Variants in ABCC4 observed in about 807,000 individuals in gnomAD.
The protein encoded by ABCC4 is ATP binding cassette subfamily C member 4 (PEL blood group).
In ABCC4, 102 loss-of-function variants were observed where a neutral mutation model predicts 168.5. The ratio of observed to expected loss-of-function variants is 0.61; its 90% CI spans 0.52 to 0.71. The LOEUF is 0.71. Ranked by LOEUF, ABCC4 falls within the 30% of genes least tolerant of loss-of-function variation. The probability of loss-of-function intolerance (pLI) is 0.00; values close to 1 mark genes in which losing one functional copy is unlikely to be tolerated. For missense variants in ABCC4, 1,402 were observed against 1,605.8 expected, an observed-to-expected ratio of 0.87 and a Z score of 2.17; for synonymous variants, 617 against 590.7, an observed-to-expected ratio of 1.04 and a Z score of -0.65.
intron 13 of ABCC4, among the ~76,000 whole-genome samples, chr13:95,172,452 T>G (rs1424220798): frequency 1.3e-5 from 2 of 151,426 alleles, no homozygotes; most frequent in African/African-American, 4.9e-5. Flanking sequence ...ATGCCTGTAA[T>G]CCCAGCTACT....
At chr13:95,127,825 A>T (rs1482827466) in intron 19 of ABCC4, among the ~76,000 whole-genome samples, 1 of 152,138 alleles carries the variant, frequency 6.6e-6, no homozygotes, top group East Asian at 1.9e-4. Flanking sequence ...CCTCTTCTCC[A>T]TGTATGGGAA....
At chr13:95,195,777 G>GT (rs2038397349) in intron 8 of ABCC4, among the ~76,000 whole-genome samples, 1 of 152,150 alleles carries the variant, frequency 6.6e-6, no homozygotes, top group East Asian at 1.9e-4. Flanking sequence ...GGGATTACAG[G>GT]TGTCTGCCAC....
intron 9 of ABCC4, among the ~76,000 whole-genome samples, chr13:95,191,939 G>C (rs2038265500): frequency 6.6e-6 from 1 of 152,232 alleles, no homozygotes; most frequent in Non-Finnish European, 1.5e-5. Context: ...GCCAGAAGGG[G>C]GCAGCACTCG....
chr13:95,264,687 G>A (rs527263368), intron 1 of ABCC4, among the ~76,000 whole-genome samples: 4 of 152,168 alleles, frequency 2.6e-5, no homozygotes, highest in South Asian at 2.1e-4. Flanking sequence ...AAATATGAGC[G>A]CTAAATACAT....
At chr13:95,089,199 T>C (rs1029882197) in intron 20 of ABCC4, among the ~76,000 whole-genome samples, 6 of 152,184 alleles carry the variant, frequency 3.9e-5, no homozygotes, top group Non-Finnish European at 8.8e-5. Context: ...AAATTTCCCA[T>C]AGAAAAAACA....
chr13:95,259,613 ATGGAT>A (rs1428384249), intron 1 of ABCC4, among the ~76,000 whole-genome samples: 2 of 152,170 alleles, frequency 1.3e-5, no homozygotes, highest in African/African-American at 4.8e-5. Flanking sequence ...GCAAAATCAC[ATGGAT>A]CAGAACCACC....
chr13:95,090,428 TCTC>T (rs1485880262), intron 20 of ABCC4, among the ~76,000 whole-genome samples: 2 of 151,976 alleles, frequency 1.3e-5, no homozygotes, highest in African/African-American at 4.8e-5. Context: ...CCCAAAGAGA[TCTC>T]TGTGAGGTTC....
intron 27 of ABCC4, among the ~76,000 whole-genome samples, chr13:95,052,605 C>T (rs2032889722): frequency 6.6e-6 from 1 of 151,638 alleles, no homozygotes; most frequent in Admixed American, 6.6e-5. Flanking sequence ...ACACGTTTGC[C>T]AATAAATAAT....
At chr13:95,199,781 T>C (rs918225225) in intron 8 of ABCC4, among the ~76,000 whole-genome samples, 7 of 152,142 alleles carry the variant, frequency 4.6e-5, no homozygotes, top group African/African-American at 1.7e-4. Flanking sequence ...CCAGGGTGAA[T>C]TGAAAATATG....
chr13:95,220,952 A>G (rs2039295841), intron 4 of ABCC4, among the ~76,000 whole-genome samples: 1 of 152,234 alleles, frequency 6.6e-6, no homozygotes, highest in Admixed American at 6.5e-5. Context: ...CTTCCACTAC[A>G]GCTAAATAAA....
intron 19 of ABCC4, among the ~76,000 whole-genome samples, chr13:95,125,159 C>A (rs1375350921): frequency 2.6e-5 from 4 of 152,170 alleles, no homozygotes; most frequent in Admixed American, 1.3e-4. Context: ...GGCATCCAGG[C>A]TGTGACTCAT....
chr13:95,085,590 C>T (rs2034230545), intron 20 of ABCC4, among the ~76,000 whole-genome samples: 3 of 152,186 alleles, frequency 2.0e-5, no homozygotes, highest in Admixed American at 2.0e-4. Context: ...ACTTGCGGGT[C>T]GCAATCACAG....
chr13:95,176,062 C>T (rs886463018), intron 13 of ABCC4, among the ~76,000 whole-genome samples: 3 of 152,096 alleles, frequency 2.0e-5, no homozygotes, highest in East Asian at 1.9e-4. Flanking sequence ...CACCACAAAC[C>T]CTTACCAGCC....
chr13:95,140,709 G>A (rs564922609), intron 19 of ABCC4, among the ~76,000 whole-genome samples: 10 of 152,126 alleles, frequency 6.6e-5, no homozygotes, highest in African/African-American at 9.7e-5. Flanking sequence ...CAGCTGACAC[G>A]TTTGCAGTTA....
chr13:95,161,234 A>C lies in ABCC4; in HGVS notation c.2410T>G (p.Ser804Ala), dbSNP rs2037089266. The change falls in exon 19 of 31, where the codon TCA (serine) becomes GCA (alanine). Residue 804 changes from serine to alanine, a missense_variant. Physicochemically the swap from Ser to Ala is moderately conservative, Grantham distance 99. Around this residue, in one of 3 missense-constraint regions of ABCC4, gnomAD observed 1,007 missense variants for 1,127.3 expected, o/e 0.89. Transcript: ENST00000645237. ...SQTLHNKMFE[S>A]ILKAPVLFFD... ...AATAATACCGGAGCTTTCAGAATTG[A>C]CTCAAACATTTTGTTGTGCAAAGTT... 1 of 1,610,996 alleles carries C rather than the reference A, an allele frequency of 6.2e-7. No individual in the cohort carries two copies. Among genetic ancestry groups the C allele is most frequent in the African/African-American group, 1.3e-5 (1 of 74,840 alleles).
chr13:95,186,179 A>G (rs2038051874), intron 11 of ABCC4, among the ~76,000 whole-genome samples: 1 of 151,908 alleles, frequency 6.6e-6, no homozygotes, highest in African/African-American at 2.4e-5. Flanking sequence ...GTGAGATGTA[A>G]TTTTTTTTCA....
At chr13:95,299,646 C>A (rs548726662) in intron 1 of ABCC4, among the ~76,000 whole-genome samples, 4 of 152,062 alleles carry the variant, frequency 2.6e-5, no homozygotes, top group African/African-American at 9.7e-5. Flanking sequence ...CAAGACAATT[C>A]TTCCAGTGTG....
At chr13:95,195,122 G>C (rs1198671144) in intron 8 of ABCC4, among the ~76,000 whole-genome samples, 185 bp from the exon 9 acceptor site, 1 of 152,102 alleles carries the variant, frequency 6.6e-6, no homozygotes, top group Non-Finnish European at 1.5e-5. Flanking sequence ...AACATGTAAA[G>C]AGTTCATGGC....
At chr13:95,232,364 C>T (rs1006282699) in intron 4 of ABCC4, among the ~76,000 whole-genome samples, 12 of 152,162 alleles carry the variant, frequency 7.9e-5, no homozygotes, top group South Asian at 4.2e-4. Flanking sequence ...TAAGTGACAA[C>T]GAGGTCAAAG....
Sources: gnomAD v4.1 joint callset for allele counts (sites outside exome capture counted in the v4.1 genomes callset) on GRCh38, gnomAD v4.1.1 for gene constraint, gnomAD v4.1.1 regional missense constraint, MANE v1.5 for transcripts, NCBI Gene and HGNC (gene_info 2026-07-23, HGNC 2026-07-21) for gene names.